The following ANKRD30A variants were observed in gnomAD, a reference collection of about 807,000 sequenced individuals.
ANKRD30A encodes the protein ankyrin repeat domain 30A, also known as ankyrin repeat domain-containing protein 30A.
ANKRD30A carries 170 observed loss-of-function variants against 166.3 expected under a neutral mutation model. The ratio of observed to expected loss-of-function variants is 1.02; its 90% confidence interval spans 0.90 to 1.16. The LOEUF (loss-of-function observed/expected upper bound fraction) is 1.16. ANKRD30A is among the 50% of genes most tolerant of loss of function. The pLI is 0.00. For missense variants in ANKRD30A, 1,630 were observed against 1,518.0 expected, an observed-to-expected ratio of 1.07 and a Z score of -1.23; for synonymous variants, 564 against 508.9, an observed-to-expected ratio of 1.11 and a Z score of -1.46.
chr10:37,238,727 T>G, the ANKRD30A span, among the ~76,000 whole-genome samples: 1 of 152,314 alleles, frequency 6.6e-6, no homozygotes, highest in Non-Finnish European at 1.5e-5. Context: ...GATAATAGCA[T>G]TACCTTAGTA....
chr10:37,161,065 A>T (rs1442744016), intron 15 of ANKRD30A, among the ~76,000 whole-genome samples: 1 of 152,206 alleles, frequency 6.6e-6, no homozygotes, highest in African/African-American at 2.4e-5. Flanking sequence ...CATCCTGACT[A>T]ACAAGGCGAA....
intron 3 of ANKRD30A, 98 bp from the exon 4 acceptor site, chr10:37,132,142 T>A: frequency 1.2e-6 from 1 of 803,298 alleles, no homozygotes; most frequent in Non-Finnish European, 1.9e-6. Flanking sequence ...TTACTTTCTA[T>A]TTTATGTGTT....
intron 31 of ANKRD30A, among the ~76,000 whole-genome samples, chr10:37,213,558 T>TC (rs202208428): frequency 0.33 from 45,304 of 136,712 alleles, 7,461 homozygotes; most frequent in Admixed American, 0.39. Flanking sequence ...TTCTTCTTCT[T>TC]TTTTTTTTTT....
At chr10:37,191,787 A>G (rs1840598792) in intron 25 of ANKRD30A, among the ~76,000 whole-genome samples, 1 of 151,922 alleles carries the variant, frequency 6.6e-6, no homozygotes, top group Admixed American at 6.6e-5. Context: ...CGAGGTCAGG[A>G]GATCCAGACC....
Position 37,204,455 on chromosome 10 carries a change from A to G in ANKRD30A, c.2869+3130A>G, listed in dbSNP as rs536956887. Among the ~76,000 whole-genome samples the G allele has an allele frequency of 1.3e-3, 205 of 152,298 alleles. 1 individual carries two copies. Among genetic ancestry groups the G allele is most frequent in the Non-Finnish European group, 2.1e-3 (145 of 68,020 alleles). ...ACTGGATCCCTTCCTTACAACTTAT[A>G]CAAAAATTAATTCAAGATGGATTAA... On this transcript the variant is annotated intron_variant, in intron 31 of 35. Transcript: ENST00000361713.
the ANKRD30A span, among the ~76,000 whole-genome samples, chr10:37,255,865 T>C: frequency 5.3e-5 from 8 of 152,242 alleles, no homozygotes; most frequent in African/African-American, 1.9e-4. Flanking sequence ...AAAGCTGGAC[T>C]ATTCCTGTAA....
chr10:37,136,752 A>G (rs1836707493), intron 6 of ANKRD30A, 81 bp downstream of exon 6: 1 of 782,580 alleles, frequency 1.3e-6, no homozygotes, highest in Non-Finnish European at 2.0e-6. Context: ...GGTAATTCAA[A>G]AAGCAATGTG....
At chr10:37,204,258 C>A (rs1163409280) in intron 31 of ANKRD30A, among the ~76,000 whole-genome samples, 10 of 152,082 alleles carry the variant, frequency 6.6e-5, no homozygotes, top group Non-Finnish European at 2.9e-5. Context: ...CTACAGTAAC[C>A]AAAACAGCAT....
chr10:37,126,394 G>T (rs2132497822), intron 1 of ANKRD30A, among the ~76,000 whole-genome samples: 1 of 152,342 alleles, frequency 6.6e-6, no homozygotes, highest in African/African-American at 2.4e-5. Flanking sequence ...GATACATTAT[G>T]AAATGGTGCG....
chr10:37,167,043 G>T (rs925032768), intron 19 of ANKRD30A, among the ~76,000 whole-genome samples: 1 of 152,100 alleles, frequency 6.6e-6, no homozygotes, highest in East Asian at 1.9e-4. Context: ...TGTAATGGAG[G>T]ATGATAAAAT....
At chr10:37,194,919 AT>A (rs1840948940) in intron 27 of ANKRD30A, among the ~76,000 whole-genome samples, 1 of 152,166 alleles carries the variant, frequency 6.6e-6, no homozygotes, top group Admixed American at 6.5e-5. Context: ...AAATGAAAAT[AT>A]TTAAAATACA....
intron 31 of ANKRD30A, among the ~76,000 whole-genome samples, chr10:37,202,549 T>C (rs1465356678): frequency 6.6e-6 from 1 of 152,140 alleles, no homozygotes; most frequent in East Asian, 1.9e-4. Context: ...AGATCTAAAA[T>C]TGATACACTA....
In ANKRD30A at chr10:37,219,485, G is replaced by C. The variant is rs748697647; in HGVS notation, c.3773G>C (p.Arg1258Thr). ...CATCAACCACTTTCTGAAGCTCAAAGGAAATCCAAAAGCCTAAAAATTAAT... is the reference window on the plus strand; with the variant it reads ...CATCAACCACTTTCTGAAGCTCAAACGAAATCCAAAAGCCTAAAAATTAAT... ...VLHQPLSEAQ[R>T]KSKSLKINLN... The change falls in exon 34 of 36, where the codon AGG becomes ACG. Residue 1258 changes from arginine to threonine, a missense_variant. Physicochemically the swap from Arg to Thr is moderately conservative, Grantham distance 71. Transcript: ENST00000361713. 6.2e-7 allele frequency: 1 copy of C among 1,610,020 alleles called. No homozygotes were observed. The highest frequency in any genetic ancestry group is 8.5e-7 in the Non-Finnish European group (1 of 1,177,594).
In ANKRD30A at chr10:37,197,412, C is replaced by T. The variant is rs1466882372; in HGVS notation, c.2648C>T (p.Ala883Val). ...TTTGCTTCCAACCCCATTTAGCCTG[C>T]CATTGAAATGCAAAAGTCTGTTCCA... is the stretch of plus-strand genomic sequence containing the variant. ...PPEKPSAFEP[A>V]IEMQKSVPNK... Residue 883 changes from alanine (A) to valine (V), a missense_variant, in exon 29 of 36, where the codon GCC becomes GTC. By Grantham distance (64) the Ala-to-Val change is moderately conservative. Around this residue, in one of 4 missense-constraint regions of ANKRD30A, gnomAD observed 712 missense variants for 629.3 expected, o/e 1.13. Transcript: ENST00000361713. 1.2e-5 allele frequency: 19 copies of T among 1,612,448 alleles called. No homozygotes were observed. The highest frequency in any genetic ancestry group is 2.7e-5 in the African/African-American group (2 of 74,832).
At chr10:37,202,887 G>GA (rs890728721) in intron 31 of ANKRD30A, among the ~76,000 whole-genome samples, 4 of 152,094 alleles carry the variant, frequency 2.6e-5, no homozygotes, top group African/African-American at 4.8e-5. Flanking sequence ...GGAGAATCTA[G>GA]AAAAAATGGA....
intron 31 of ANKRD30A, among the ~76,000 whole-genome samples, chr10:37,203,584 G>A (rs548213354): frequency 6.6e-6 from 1 of 152,298 alleles, no homozygotes; most frequent in Admixed American, 6.5e-5. Context: ...ACAAGACAGG[G>A]ATGCCCTCTC....
At chr10:37,204,718 T>G (rs1420086225) in intron 31 of ANKRD30A, among the ~76,000 whole-genome samples, 1 of 152,160 alleles carries the variant, frequency 6.6e-6, no homozygotes, top group Non-Finnish European at 1.5e-5. Context: ...GACAAAGGGC[T>G]AATATCCAGA....
chr10:37,166,829 C>G lies in ANKRD30A; in HGVS notation c.2155+134C>G, dbSNP rs554492093. The G allele has an allele frequency of 1.1e-5, 16 of 1,404,648 alleles. No homozygotes were observed. The East Asian group carries it at 3.7e-4, about 33-fold the overall frequency. The allele number at this position is 1,404,648 out of a possible 1,614,324, so 87.0% of individuals were successfully genotyped here. A position where few individuals can be genotyped will look rare whatever the true frequency, so the allele number is the denominator to read the frequency against. On this transcript the variant is annotated intron_variant, in intron 19 of 35. Transcript: ENST00000361713. ...TGGAAAAAAAGAGAAGTGCAATGGT[C>G]ATAAGTTATGTGTCTCATCAGGTGA...
intron 11 of ANKRD30A, 99 bp downstream of exon 11, chr10:37,149,948 G>A: frequency 1.3e-6 from 2 of 1,495,036 alleles, no homozygotes; most frequent in African/African-American, 1.4e-5. Flanking sequence ...CAACTTTGAT[G>A]AAAACATTTG....
Sources: allele counts gnomAD v4.1 joint callset (sites outside exome capture counted in the v4.1 genomes callset), GRCh38; gene constraint gnomAD v4.1.1; regional missense constraint gnomAD v4.1.1; transcripts MANE v1.5; gene names NCBI Gene and HGNC (gene_info 2026-07-23, HGNC 2026-07-21).